Variants in ZNF398 observed in about 807,000 individuals in gnomAD.
ZNF398 encodes the protein zinc finger DNA binding protein ZER6.
Under a neutral mutation model 41.9 loss-of-function variants are expected in ZNF398, and 18 were observed. The ratio of observed to expected loss-of-function variants is 0.43; its 90% confidence interval spans 0.30 to 0.64. The LOEUF (loss-of-function observed/expected upper bound fraction) is 0.64. Among genes scored for constraint, ZNF398 ranks in the 30% least tolerant of loss-of-function variants. The pLI is 0.14. For missense variants in ZNF398, 669 were observed against 822.8 expected, an observed-to-expected ratio of 0.81 and a Z score of 2.29; for synonymous variants, 260 against 308.8, an observed-to-expected ratio of 0.84 and a Z score of 1.66.
chr7:149,148,194 G>A, intron 1 of ZNF398: 2 of 173,234 alleles, frequency 1.2e-5, no homozygotes, highest in Non-Finnish European at 2.4e-5. Context: ...GTGCGGAGGC[G>A]CATTCCCGCC....
intron 1 of ZNF398, chr7:149,151,102 A>C: frequency 2.4e-6 from 1 of 415,964 alleles, no homozygotes; most frequent in South Asian, 6.4e-5. Context: ...CACTTTATGG[A>C]ATGGGACAAG....
intron 4 of ZNF398, among the ~76,000 whole-genome samples, chr7:149,167,346 C>T (rs1795244784): frequency 6.6e-6 from 1 of 152,172 alleles, no homozygotes; most frequent in Non-Finnish European, 1.5e-5. Flanking sequence ...TGATGACATC[C>T]ACCTGGGCAA....
intron 2 of ZNF398, among the ~76,000 whole-genome samples, chr7:149,157,004 C>G (rs1000032075): frequency 2.6e-5 from 4 of 151,984 alleles, no homozygotes; most frequent in African/African-American, 9.7e-5. Flanking sequence ...ATATAAATAA[C>G]AAAGTTGTGT....
intron 4 of ZNF398, among the ~76,000 whole-genome samples, chr7:149,169,286 T>C (rs942561771): frequency 6.6e-6 from 1 of 152,102 alleles, no homozygotes; most frequent in African/African-American, 2.4e-5. Context: ...GGTTTTGCCA[T>C]GTTGGCCAGG....
At chr7:149,142,643 GGC>G (rs570291069), upstream of ZNF398, among the ~76,000 whole-genome samples, 533 of 152,282 alleles carry the variant, frequency 3.5e-3, 2 homozygotes, top group African/African-American at 0.012. Context: ...CTCCAGCCTG[GGC>G]AACAGAGCGA....
chr7:149,143,162 T>G (rs557709620), upstream of ZNF398, among the ~76,000 whole-genome samples: 2 of 91,914 alleles, frequency 2.2e-5, no homozygotes, highest in East Asian at 7.7e-4. Context: ...GAAAAGAAAA[T>G]TACTGGCGGC....
chr7:149,171,616 C>T (rs537125579), intron 4 of ZNF398, among the ~76,000 whole-genome samples: 17 of 151,960 alleles, frequency 1.1e-4, no homozygotes, highest in African/African-American at 3.1e-4. Context: ...ATGATCCACC[C>T]GCCTCTGACC....
At chr7:149,152,333 T>C (rs2129520279) in intron 1 of ZNF398, among the ~76,000 whole-genome samples, 1 of 145,500 alleles carries the variant, frequency 6.9e-6, no homozygotes, top group South Asian at 2.2e-4. Context: ...CGAAGTTGGG[T>C]TGCTGTAAGC....
upstream of ZNF398, among the ~76,000 whole-genome samples, chr7:149,144,194 C>G (rs1302473113): frequency 6.6e-6 from 1 of 152,186 alleles, no homozygotes; most frequent in Non-Finnish European, 1.5e-5. Flanking sequence ...GGTAGCCTTG[C>G]TTTCTATGGA....
At chr7:149,150,970 A>C (rs1827096336) in intron 1 of ZNF398, among the ~76,000 whole-genome samples, 1 of 152,180 alleles carries the variant, frequency 6.6e-6, no homozygotes, top group Admixed American at 6.5e-5. Flanking sequence ...TCAGCCTTGC[A>C]AAGTGCTGGG....
At chr7:149,152,390 A>C (rs1304424747) in intron 1 of ZNF398, among the ~76,000 whole-genome samples, 1 of 149,748 alleles carries the variant, frequency 6.7e-6, no homozygotes, top group African/African-American at 2.5e-5. Flanking sequence ...CCTCCGAAGT[A>C]GCTGAGACTA....
intron 4 of ZNF398, among the ~76,000 whole-genome samples, chr7:149,175,972 TAC>T (rs1407428201): frequency 1.3e-5 from 2 of 152,256 alleles, no homozygotes; most frequent in African/African-American, 4.8e-5. Flanking sequence ...ACGCGTGAGT[TAC>T]CACACCCATC....
intron 4 of ZNF398, among the ~76,000 whole-genome samples, chr7:149,174,686 C>T (rs1795424700): frequency 6.6e-6 from 1 of 152,042 alleles, no homozygotes; most frequent in Admixed American, 6.6e-5. Flanking sequence ...ATTAGCTGGG[C>T]ATGGTGGCAC....
In ZNF398 at chr7:149,178,953, C is replaced by T; in HGVS notation, c.1081C>T (p.Gln361Ter). Residue 361 changes from glutamine to a stop codon, truncating the protein, a stop_gained, in exon 6 of 6, where the codon CAA (glutamine) becomes TAA (stop). Coordinates refer to ENST00000475153, the MANE Select transcript of ZNF398 (RefSeq NM_170686.3). LOFTEE classifies it low-confidence loss of function (END_TRUNC). The part of the protein sequence containing the change: ...NLSQDMLLTH[Q>*]CSHATEHPLP... Reference sequence around the variant, plus strand: ...CAGCCAAGACATGTTGCTGACCCACCAATGTAGCCATGCTACTGAGCACCC... The same window carrying T: ...CAGCCAAGACATGTTGCTGACCCACTAATGTAGCCATGCTACTGAGCACCC... The T allele has an allele frequency of 1.2e-6, 2 of 1,614,154 alleles. No homozygotes were observed. The highest frequency in any genetic ancestry group is 1.7e-6 in the Non-Finnish European group (2 of 1,180,036).
Position 149,176,573 on chromosome 7 carries a change from C to T in ZNF398, c.767C>T (p.Thr256Ile), listed in dbSNP as rs773000862. ...ESKESDVYKS[T>I]YADEELVIKA... ...AAGGAGAGTGACGTGTACAAAAGCA[C>T]TTATGCTGGTGAGTATGAAATTAAA... is the stretch of plus-strand genomic sequence containing the variant. Residue 256 changes from threonine to isoleucine, a missense_variant, in exon 5 of 6, where the codon ACT (threonine) becomes ATT (isoleucine). Around this residue, in one of 3 missense-constraint regions of ZNF398, gnomAD observed 290 missense variants for 292.9 expected, o/e 0.99. Transcript: ENST00000475153. The T allele has an allele frequency of 6.2e-7, 1 of 1,603,086 alleles. No homozygotes were observed. The highest frequency in any genetic ancestry group is 8.5e-7 in the Non-Finnish European group (1 of 1,174,748).
At chr7:149,150,872 C>T (rs923101052) in intron 1 of ZNF398, among the ~76,000 whole-genome samples, 1 of 152,036 alleles carries the variant, frequency 6.6e-6, no homozygotes, top group Non-Finnish European at 1.5e-5. Flanking sequence ...CCACACCCAG[C>T]TAATTTTTGT....
At position 149,178,786 on chromosome 7, in the gene ZNF398, C is replaced by T. The variant is rs775243051; in HGVS notation, c.914C>T (p.Ser305Phe). Reference protein sequence around the residue: ...DVAFKSQQSTSMTPFGRPATD... With the variant: ...DVAFKSQQSTFMTPFGRPATD... ...GCTTTCAAAAGCCAGCAGTCTACAT[C>T]CATGACACCTTTTGGACGTCCAGCC... Residue 305 changes from serine to phenylalanine, a missense_variant, in exon 6 of 6, where the codon TCC becomes TTC. By Grantham distance (155) the Ser-to-Phe change is radical. Transcript: ENST00000475153. 9 of 1,614,050 alleles carry T rather than the reference C, an allele frequency of 5.6e-6. No individual in the cohort carries two copies. The highest frequency in any genetic ancestry group is 5.9e-6 in the Non-Finnish European group (7 of 1,180,048).
At chr7:149,132,184 TTCTC>T (rs201345812) in intron 2 of ZNF398, among the ~76,000 whole-genome samples, 1 of 140,184 alleles carries the variant, frequency 7.1e-6, no homozygotes, top group Non-Finnish European at 1.5e-5. Flanking sequence ...CTTCCTTATA[TTCTC>T]TCTCTCTTTT....
Position 149,147,876 on chromosome 7 carries a change from C to A in ZNF398, c.24+110C>A. The A allele has an allele frequency of 8.2e-7, 1 of 1,222,806 alleles. No homozygotes were observed. The highest frequency in any genetic ancestry group is 1.0e-6 in the Non-Finnish European group (1 of 959,090). 75.7% of individuals were successfully genotyped at this position (1,222,806 alleles called of 1,614,324 possible). A position where few individuals can be genotyped will look rare whatever the true frequency, so the allele number is the denominator to read the frequency against. On this transcript the variant is annotated intron_variant, in intron 1 of 5. Transcript: ENST00000475153. This position sits in a 1 kb window ranked among gnomAD's most constrained non-coding sequence, Gnocchi z 5.6. The stretch of plus-strand genomic sequence containing the variant: ...CATAGGCGCCGTTCTCGGGTCCCGC[C>A]GGCCACGTCGCCTGTCGCCCGTGCT...
Sources: gnomAD v4.1 joint callset for allele counts (sites outside exome capture counted in the v4.1 genomes callset) on GRCh38, gnomAD v4.1.1 for gene constraint, gnomAD v4.1.1 regional missense constraint, Gnocchi (gnomAD v3.1) non-coding constraint, MANE v1.5 for transcripts, NCBI Gene and HGNC (gene_info 2026-07-23, HGNC 2026-07-21) for gene names.